Variants in KSR1 observed in about 807,000 individuals in gnomAD.
KSR1 encodes the protein kinase suppressor of ras.
In KSR1, 35 loss-of-function variants were observed where a neutral mutation model predicts 92.9. The ratio of observed to expected loss-of-function variants is 0.38; its 90% confidence interval spans 0.29 to 0.50. The LOEUF (loss-of-function observed/expected upper bound fraction) is 0.50. Among genes scored for constraint, KSR1 ranks in the 20% least tolerant of loss-of-function variants. KSR1 has a pLI of 0.94. For synonymous variants in KSR1, 467 were observed against 472.6 expected, an observed-to-expected ratio of 0.99 and a Z score of 0.15; for missense variants, 972 against 1,158.5, an observed-to-expected ratio of 0.84 and a Z score of 2.34.
chr17:27,550,687 C>T lies in KSR1; in HGVS notation c.351C>T (p.Asn117=), dbSNP rs1355395721. The change falls in exon 2 of 21, where the codon AAC becomes AAT. Residue 117 remains asparagine (N), a synonymous_variant. Transcript: ENST00000644974. ...PRFSDWLYTF[N]VRPEVVQEIP... is the part of the protein sequence containing the mutation. The stretch of plus-strand genomic sequence containing the variant: ...TCAGCGACTGGCTGTACACTTTCAA[C>T]GTGAGGCCGGAGGTGGTGCAGGTAT... 7.9e-6 allele frequency: 6 copies of T among 763,422 alleles called. No homozygotes were observed. The highest frequency in any genetic ancestry group is 1.7e-5 in the African/African-American group (1 of 59,070). The allele number at this position is 763,422 out of a possible 1,614,324, so 47.3% of individuals were successfully genotyped here. A position where few individuals can be genotyped will look rare whatever the true frequency, so the allele number is the denominator to read the frequency against.
At chr17:27,554,813 G>A (rs1450401493) in intron 2 of KSR1, among the ~76,000 whole-genome samples, 1 of 152,132 alleles carries the variant, frequency 6.6e-6, no homozygotes, top group East Asian at 1.9e-4. Context: ...AAAGGTTGGG[G>A]ACCACTGTTC....
intron 1 of KSR1, among the ~76,000 whole-genome samples, chr17:27,490,643 C>T (rs775263193): frequency 2.6e-5 from 4 of 152,188 alleles, no homozygotes; most frequent in Non-Finnish European, 5.9e-5. Context: ...CAGTTTGCAA[C>T]TCTAATACAT....
chr17:27,588,539 G>A lies in KSR1; in HGVS notation c.1046+4G>A. 1 of 1,589,660 alleles carries A rather than the reference G, an allele frequency of 6.3e-7. No individual in the cohort carries two copies. The highest frequency in any genetic ancestry group is 8.6e-7 in the Non-Finnish European group (1 of 1,168,358). On this transcript the variant is annotated splice_donor_region_variant and intron_variant, in intron 6 of 20. Transcript: ENST00000644974. ...TCGGGCTGTCGGTGACGCACAGGTA[G>A]GCACAGCGGGCCTGGAGGGGGAGCA...
chr17:27,460,238 A>G (rs1319547836), intron 1 of KSR1, among the ~76,000 whole-genome samples: 1 of 152,130 alleles, frequency 6.6e-6, no homozygotes, highest in Non-Finnish European at 1.5e-5. Context: ...TATGCCAGTA[A>G]TAATTACCTT....
intron 2 of KSR1, among the ~76,000 whole-genome samples, chr17:27,555,657 A>G (rs898307473): frequency 3.3e-5 from 5 of 152,230 alleles, no homozygotes; most frequent in Non-Finnish European, 7.3e-5. Flanking sequence ...CTGGTGAGTT[A>G]TTCGCTCTGC....
chr17:27,581,646 C>G (rs1436523129), intron 3 of KSR1, among the ~76,000 whole-genome samples: 2 of 152,174 alleles, frequency 1.3e-5, no homozygotes, highest in Non-Finnish European at 2.9e-5. Context: ...ACCCCCACAG[C>G]TGATTTAAGG....
chr17:27,492,416 A>G (rs139460976), intron 1 of KSR1, among the ~76,000 whole-genome samples: 13 of 152,308 alleles, frequency 8.5e-5, no homozygotes, highest in African/African-American at 3.1e-4. Context: ...ATTCCTTTCT[A>G]GGAATGATCA....
At chr17:27,473,118 A>G (rs1009876677) in intron 1 of KSR1, among the ~76,000 whole-genome samples, 13 of 152,166 alleles carry the variant, frequency 8.5e-5, no homozygotes. Context: ...CTCTCAGTTA[A>G]TTTCTCAGTA....
chr17:27,587,558 ATCT>A (rs2151181888), intron 5 of KSR1: 1 of 152,340 alleles, frequency 6.6e-6, no homozygotes, highest in Non-Finnish European at 1.5e-5. Flanking sequence ...AAAGTCTTAG[ATCT>A]TCTTTCCAGA....
chr17:27,469,260 G>T (rs920179808), intron 1 of KSR1, among the ~76,000 whole-genome samples: 1 of 152,144 alleles, frequency 6.6e-6, no homozygotes, highest in Non-Finnish European at 1.5e-5. Flanking sequence ...TTTCTCCGTG[G>T]TCTTTTGATC....
intron 1 of KSR1, among the ~76,000 whole-genome samples, chr17:27,489,424 AC>A (rs1285634236): frequency 1.3e-5 from 2 of 152,328 alleles, no homozygotes; most frequent in East Asian, 3.9e-4. Flanking sequence ...AGCCCAGGCC[AC>A]TTGAGCTTTT....
chr17:27,551,052 C>T (rs1286028928), intron 2 of KSR1, among the ~76,000 whole-genome samples: 2 of 152,232 alleles, frequency 1.3e-5, no homozygotes, highest in Non-Finnish European at 2.9e-5. Flanking sequence ...TCTCACTTCT[C>T]ATGAACTCCT....
intron 13 of KSR1, 121 bp downstream of exon 13, chr17:27,604,849 C>T (rs1598131735): frequency 2.1e-6 from 2 of 945,820 alleles, no homozygotes; most frequent in East Asian, 2.4e-5. Flanking sequence ...CTGTCCCAGG[C>T]ACCCATTGCA....
intron 10 of KSR1, among the ~76,000 whole-genome samples, chr17:27,600,470 T>A (rs1170621785): frequency 1.3e-5 from 2 of 152,088 alleles, no homozygotes; most frequent in African/African-American, 2.4e-5. Flanking sequence ...AAAAAAATTT[T>A]AAAAATGATT....
chr17:27,458,171 G>T (rs2019269518), intron 1 of KSR1, among the ~76,000 whole-genome samples: 3 of 152,090 alleles, frequency 2.0e-5, no homozygotes, highest in Non-Finnish European at 4.4e-5. Flanking sequence ...CCAAGGCTTT[G>T]CTTAAAAAAC....
At chr17:27,573,740 G>C (rs1195793040) in intron 2 of KSR1, among the ~76,000 whole-genome samples, 2 of 152,206 alleles carry the variant, frequency 1.3e-5, no homozygotes, top group Non-Finnish European at 2.9e-5. Flanking sequence ...TCGTGCGCAC[G>C]TGGGTTTCAA....
At chr17:27,599,129 C>T (rs1004475225) in intron 10 of KSR1, among the ~76,000 whole-genome samples, 1 of 152,214 alleles carries the variant, frequency 6.6e-6, no homozygotes, top group Non-Finnish European at 1.5e-5. Flanking sequence ...GTGGTGTAGC[C>T]TGTTGTTTCT....
chr17:27,573,520 A>G (rs1036106845), intron 2 of KSR1, among the ~76,000 whole-genome samples: 2 of 152,264 alleles, frequency 1.3e-5, no homozygotes, highest in Admixed American at 6.5e-5. Flanking sequence ...GTGCCAATCA[A>G]ATGTAGCCAA....
chr17:27,527,122 A>G, intron 1 of KSR1: 1 of 340,504 alleles, frequency 2.9e-6, no homozygotes, highest in Admixed American at 3.7e-5. Flanking sequence ...CACTTTTCTT[A>G]CATTCCAGCA....
Sources: gnomAD v4.1 joint callset for allele counts (sites outside exome capture counted in the v4.1 genomes callset) on GRCh38, gnomAD v4.1.1 for gene constraint, MANE v1.5 for transcripts, NCBI Gene and HGNC (gene_info 2026-07-23, HGNC 2026-07-21) for gene names.